The following UVSSA variants were observed in gnomAD, a reference collection of about 807,000 sequenced individuals.
UVSSA encodes the protein UV-stimulated scaffold protein A.
Under a neutral mutation model 73.9 loss-of-function variants are expected in UVSSA, and 72 were observed. The observed-to-expected ratio is 0.97, with a 90% CI of 0.81 to 1.19. UVSSA has a LOEUF of 1.19. Ranked by LOEUF, UVSSA falls within the 50% of genes most tolerant of loss-of-function variation. The probability of loss-of-function intolerance (pLI) is 0.00; values close to 1 mark genes in which losing one functional copy is unlikely to be tolerated. For missense variants in UVSSA, 1,150 were observed against 965.0 expected, an observed-to-expected ratio of 1.19 and a Z score of -2.54; for synonymous variants, 454 against 391.3, an observed-to-expected ratio of 1.16 and a Z score of -1.89.
At chr4:1,356,749 TG>T in intron 7 of UVSSA, 1 of 152,432 alleles carries the variant, frequency 6.6e-6, no homozygotes, top group Non-Finnish European at 1.5e-5. Flanking sequence ...GGCTGCCGGC[TG>T]GGGTCACGGG....
At chr4:1,348,062 A>G (rs1407131441) in intron 1 of UVSSA, 28 bp from the exon 2 acceptor site, 3 of 1,541,210 alleles carry the variant, frequency 1.9e-6, no homozygotes, top group Middle Eastern at 1.7e-4. Flanking sequence ...AGATGGTGAT[A>G]TAGCATCTCT....
chr4:1,345,944 G>T (rs940007809), upstream of UVSSA, among the ~76,000 whole-genome samples: 5 of 152,088 alleles, frequency 3.3e-5, no homozygotes, highest in South Asian at 1.0e-3. Flanking sequence ...GCCACAGGCC[G>T]GGGATTGGAT....
intron 7 of UVSSA, chr4:1,357,069 T>C (rs1715885164): frequency 6.9e-6 from 1 of 145,070 alleles, no homozygotes; most frequent in African/African-American, 2.6e-5. Flanking sequence ...CTCCAGCTGG[T>C]TATTGGTGAG....
chr4:1,347,931 GAC>G (rs1446054064), intron 1 of UVSSA, 157 bp from the exon 2 acceptor site: 3 of 649,438 alleles, frequency 4.6e-6, no homozygotes, highest in African/African-American at 3.6e-5. Flanking sequence ...GGCCTTGCTG[GAC>G]ACACATATTT....
chr4:1,370,735 A>T (rs918538137), intron 8 of UVSSA, among the ~76,000 whole-genome samples: 8 of 152,242 alleles, frequency 5.3e-5, no homozygotes, highest in African/African-American at 1.9e-4. Flanking sequence ...CGAGCCCTGC[A>T]GCTACTGAGC....
exon 14 of UVSSA, chr4:1,395,665 G>C: frequency 6.3e-7 from 1 of 1,599,056 alleles, no homozygotes; most frequent in Non-Finnish European, 8.5e-7. Flanking sequence ...GTGCCTGCCT[G>C]CTCACACACG....
intron 3 of UVSSA, among the ~76,000 whole-genome samples, chr4:1,350,358 C>G (rs1469243905): frequency 6.6e-6 from 1 of 152,180 alleles, no homozygotes; most frequent in Non-Finnish European, 1.5e-5. Flanking sequence ...CTTACCCCAC[C>G]TGCCACGAAG....
At position 1,366,359 on chromosome 4, in the gene UVSSA, G is replaced by A; in HGVS notation, c.1216G>A (p.Glu406Lys). The change falls in exon 8 of 14, where the codon GAG becomes AAG. Residue 406 changes from glutamate to lysine, a missense_variant. Coordinates refer to ENST00000389851, the MANE Select transcript of UVSSA (RefSeq NM_020894.4). ...LGDAEEDEDD[E>K]DFVEVPEKEG... Reference sequence around the variant, plus strand: ...GGATGCGGAGGAAGATGAGGACGATGAGGACTTTGTGGAGGTCCCTGAGAA... The same window carrying A: ...GGATGCGGAGGAAGATGAGGACGATAAGGACTTTGTGGAGGTCCCTGAGAA... The A allele has an allele frequency of 6.2e-7, 1 of 1,613,356 alleles. No individual in the cohort carries two copies. The highest frequency in any genetic ancestry group is 8.5e-7 in the Non-Finnish European group (1 of 1,179,604).
intron 8 of UVSSA, among the ~76,000 whole-genome samples, chr4:1,374,381 C>T (rs1486013000): frequency 2.0e-5 from 3 of 152,238 alleles, no homozygotes; most frequent in Non-Finnish European, 4.4e-5. Context: ...GACCGAGAGG[C>T]GCCGTCAGGG....
chr4:1,395,565 C>T (rs142095345), exon 14 of UVSSA: 64 of 1,600,312 alleles, frequency 4.0e-5, no homozygotes, highest in Non-Finnish European at 4.8e-5. Flanking sequence ...GTGGAGTGCC[C>T]GCCTGCTCAC....
intron 12 of UVSSA, among the ~76,000 whole-genome samples, chr4:1,381,788 C>T (rs1366308640): frequency 1.3e-5 from 2 of 151,540 alleles, no homozygotes; most frequent in South Asian, 2.1e-4. Flanking sequence ...CCTCGTGCCT[C>T]AGCCTGCCAA....
intron 7 of UVSSA, among the ~76,000 whole-genome samples, chr4:1,365,185 G>C (rs1269326325): frequency 1.3e-5 from 2 of 152,246 alleles, no homozygotes; most frequent in African/African-American, 4.8e-5. Context: ...CTTTTGGGAA[G>C]AGAAAGGCTT....
rs199552593 is a variant in UVSSA, at chr4:1,380,107, C to G, written c.1629C>G (p.Ala543=). The change falls in exon 11 of 14, where the codon GCC becomes GCG. Residue 543 remains alanine (A), a synonymous_variant. Transcript: ENST00000389851. ...PSEVEEEVVN[A]DISEMLRSRH... is the part of the protein sequence containing the mutation. Reference sequence around the variant, plus strand: ...AGGTGGAGGAGGAAGTGGTCAATGCCGACATCTCCGAGATGCTCCGGAGCC... The same window carrying G: ...AGGTGGAGGAGGAAGTGGTCAATGCGGACATCTCCGAGATGCTCCGGAGCC... 5 of 1,612,618 alleles carry G rather than the reference C, an allele frequency of 3.1e-6. No individual in the cohort carries two copies. In the East Asian group the frequency reaches 1.1e-4, roughly 36 times the overall value.
At chr4:1,366,186 C>T (rs1056419362) in intron 7 of UVSSA, 134 bp from the exon 8 acceptor site, 8 of 700,554 alleles carry the variant, frequency 1.1e-5, no homozygotes, top group East Asian at 7.7e-5. Context: ...GCAGTCCAAC[C>T]GTGGCTGATG....
Position 1,348,647 on chromosome 4 carries a change from C to G in UVSSA, c.98+458C>G, listed in dbSNP as rs73793379. ...CGTCACCCTCAGGCAGCCAGAGATT[C>G]ATGGGGGAAGCAAAACTTCCCCTCG... On this transcript the variant is annotated intron_variant, in intron 2 of 13. Coordinates refer to ENST00000389851, the MANE Select transcript of UVSSA (RefSeq NM_020894.4). 2.4e-3 allele frequency among the ~76,000 whole-genome samples: 369 copies of G among 152,292 alleles called. 4 individuals carry two copies. The highest frequency in any genetic ancestry group is 8.6e-3 in the African/African-American group (357 of 41,550).
chr4:1,392,406 G>T (rs1033688026), downstream of UVSSA: 3 of 152,240 alleles, frequency 2.0e-5, no homozygotes, highest in Non-Finnish European at 4.4e-5. Context: ...TGCTCTTTGT[G>T]TGGATTTGAG....
intron 4 of UVSSA, among the ~76,000 whole-genome samples, chr4:1,352,401 A>C (rs1009218803): frequency 3.3e-5 from 5 of 152,224 alleles, no homozygotes; most frequent in African/African-American, 4.8e-5. Context: ...CTGGAAACGC[A>C]GGCCTCAGGG....
chr4:1,346,288 G>T (rs1438771079), upstream of UVSSA, among the ~76,000 whole-genome samples: 1 of 152,142 alleles, frequency 6.6e-6, no homozygotes, highest in African/African-American at 2.4e-5. Flanking sequence ...ACCCCGGCCC[G>T]CCGCCGGCGG....
intron 7 of UVSSA, 116 bp downstream of exon 7, chr4:1,355,361 A>C: frequency 9.7e-7 from 1 of 1,027,066 alleles, no homozygotes; most frequent in Non-Finnish European, 1.4e-6. Flanking sequence ...CCACACCCCA[A>C]GCCCACTCAG....
Sources: allele counts gnomAD v4.1 joint callset (sites outside exome capture counted in the v4.1 genomes callset), GRCh38; gene constraint gnomAD v4.1.1; transcripts MANE v1.5; gene names NCBI Gene and HGNC (gene_info 2026-07-23, HGNC 2026-07-21).